TENM1: variants seen among roughly 807,000 people sequenced by gnomAD.
The protein encoded by TENM1 is teneurin transmembrane protein 1.
TENM1 carries 35 observed loss-of-function variants against 174.8 expected under a neutral mutation model. That is an observed-to-expected ratio of 0.20 (90% CI 0.15 to 0.27). TENM1 has a LOEUF of 0.27. Among genes scored for constraint, TENM1 ranks in the 10% least tolerant of loss-of-function variants. The pLI, the probability that TENM1 is intolerant of heterozygous loss-of-function variation, is 1.00. For synonymous variants in TENM1, 781 were observed against 798.7 expected (o/e 0.98, Z 0.37); for missense variants, 1,633 against 2,130.1 (o/e 0.77, Z 4.59).
chrX:124,654,568 A>G (rs764886753), intron 6 of TENM1, among the ~76,000 whole-genome samples: 7 of 111,875 alleles, frequency 6.3e-5, no homozygotes, highest in Non-Finnish European at 1.3e-4. Context: ...CGCACATGGA[A>G]AGGATGGCTT....
the TENM1 span, among the ~76,000 whole-genome samples, chrX:125,036,695 C>T: frequency 8.9e-6 from 1 of 111,854 alleles, no homozygotes; most frequent in Non-Finnish European, 1.9e-5. Flanking sequence ...CTTCTTCTAC[C>T]AGATCAATGC....
At chrX:125,101,784 C>A in the TENM1 span, among the ~76,000 whole-genome samples, 1 of 111,878 alleles carries the variant, frequency 8.9e-6, no homozygotes, top group East Asian at 2.8e-4. Context: ...TTTCAAGAAA[C>A]TAGAATCTTT....
chrX:124,996,548 A>C, the TENM1 span, among the ~76,000 whole-genome samples: 3 of 91,458 alleles, frequency 3.3e-5, no homozygotes, highest in Non-Finnish European at 6.4e-5. Context: ...AAAAAAAAAA[A>C]CCACACACAC....
chrX:124,664,687 T>G (rs1254707390), intron 6 of TENM1, among the ~76,000 whole-genome samples: 1 of 99,500 alleles, frequency 1.0e-5, no homozygotes, highest in African/African-American at 4.0e-5. Context: ...GGGGTGTGTG[T>G]GTGTGTGTGT....
chrX:125,161,059 A>T, the TENM1 span, among the ~76,000 whole-genome samples: 13 of 107,125 alleles, frequency 1.2e-4, no homozygotes, highest in South Asian at 5.1e-3. Flanking sequence ...AAAAAAAAAA[A>T]AACAAAACCC....
intron 11 of TENM1, among the ~76,000 whole-genome samples, chrX:124,638,872 T>C (rs1414845867): frequency 2.7e-5 from 3 of 111,263 alleles, no homozygotes; most frequent in East Asian, 2.8e-4. Flanking sequence ...TGCCTAGTCA[T>C]CCAAAGCAGT....
the TENM1 span, among the ~76,000 whole-genome samples, chrX:125,139,461 T>C: frequency 3.2e-4 from 36 of 111,519 alleles, no homozygotes; most frequent in African/African-American, 1.1e-3. Flanking sequence ...AGGGGTGGTG[T>C]CTAGAAGCAA....
chrX:125,200,654 T>TGA, the TENM1 span, among the ~76,000 whole-genome samples: 1,678 of 92,377 alleles, frequency 0.018, 18 homozygotes, highest in Non-Finnish European at 0.02. Context: ...TGTGTGTGTG[T>TGA]GAGAGAGAGA....
intron 10 of TENM1, among the ~76,000 whole-genome samples, chrX:124,643,773 G>A (rs746455653): frequency 1.9e-4 from 21 of 109,391 alleles, no homozygotes; most frequent in African/African-American, 5.6e-4. Context: ...TAGTGACCCC[G>A]GAGAAGACAA....
the TENM1 span, among the ~76,000 whole-genome samples, chrX:125,044,180 AG>A: frequency 0.027 from 1,351 of 50,585 alleles, 20 homozygotes; most frequent in African/African-American, 0.07. Flanking sequence ...TAATAAAAAA[AG>A]GAAAAAAAAA....
the TENM1 span, among the ~76,000 whole-genome samples, chrX:125,074,804 T>G: frequency 9.0e-6 from 1 of 111,299 alleles, no homozygotes; most frequent in South Asian, 3.8e-4. Flanking sequence ...ATTTTCCTAT[T>G]ATTTCTTCTT....
chrX:124,780,171 T>C (rs1359845146), intron 3 of TENM1, among the ~76,000 whole-genome samples: 1 of 111,871 alleles, frequency 8.9e-6, no homozygotes, highest in Non-Finnish European at 1.9e-5. Context: ...GAAATAAAAT[T>C]GCATTTTCAA....
At chrX:125,198,117 C>T in the TENM1 span, among the ~76,000 whole-genome samples, 1 of 111,992 alleles carries the variant, frequency 8.9e-6, no homozygotes, top group Admixed American at 9.5e-5. Flanking sequence ...TTGTTGACTA[C>T]TTATTAATTT....
At chrX:124,529,812 G>A in intron 16 of TENM1, 52 bp downstream of exon 19, 1 of 1,206,437 alleles carries the variant, frequency 8.3e-7, no homozygotes. Context: ...TTTACCCCTG[G>A]CTAGAAGTCA....
the TENM1 span, among the ~76,000 whole-genome samples, chrX:125,085,247 A>G: frequency 9.0e-6 from 1 of 111,086 alleles, no homozygotes; most frequent in East Asian, 2.8e-4. Flanking sequence ...ATGGTTTTAA[A>G]TACCTGCCCA....
intron 23 of TENM1, among the ~76,000 whole-genome samples, chrX:124,433,691 A>G (rs1479201824): frequency 8.9e-6 from 1 of 112,393 alleles, no homozygotes; most frequent in Non-Finnish European, 1.9e-5. Flanking sequence ...AAAAATTATA[A>G]CATGCAAATA....
intron 11 of TENM1, among the ~76,000 whole-genome samples, chrX:124,606,335 C>T (rs982425680): frequency 9.0e-6 from 1 of 111,422 alleles, no homozygotes; most frequent in Non-Finnish European, 1.9e-5. Flanking sequence ...CCTTTATCAT[C>T]CTCATAATCT....
At chrX:124,807,878 TACACACACACACACACACACAC>T (rs151254866) in intron 3 of TENM1, among the ~76,000 whole-genome samples, 4 of 85,171 alleles carry the variant, frequency 4.7e-5, no homozygotes, top group Non-Finnish European at 9.3e-5. Context: ...GAAAATCACT[TACACACACACACACACACACAC>T]ACACACACAC....
At chrX:124,536,565 A>C (rs2048210439) in intron 15 of TENM1, among the ~76,000 whole-genome samples, 1 of 111,462 alleles carries the variant, frequency 9.0e-6, no homozygotes, top group Non-Finnish European at 1.9e-5. Flanking sequence ...CTATTTTCCC[A>C]TCTGCCTTGG....
Sources: gnomAD v4.1 joint callset for allele counts (sites outside exome capture counted in the v4.1 genomes callset) on GRCh38, gnomAD v4.1.1 for gene constraint, MANE v1.5 for transcripts, NCBI Gene and HGNC (gene_info 2026-07-23, HGNC 2026-07-21) for gene names.